The following ITGBL1 variants were observed in gnomAD, a reference collection of about 807,000 sequenced individuals.
ITGBL1 encodes integrin subunit beta like 1, also known as integrin beta-like protein 1.
ITGBL1 carries 51 observed loss-of-function variants against 68.5 expected under a neutral mutation model. The observed-to-expected ratio is 0.74, with a 90% CI of 0.59 to 0.94. The LOEUF (loss-of-function observed/expected upper bound fraction) is 0.94. ITGBL1 is among the 40% of genes least tolerant of loss of function. The probability of loss-of-function intolerance (pLI) is 0.00; values close to 1 mark genes in which losing one functional copy is unlikely to be tolerated. For synonymous variants in ITGBL1, 209 were observed against 227.3 expected (o/e 0.92, Z 0.72); for missense variants, 649 against 647.4 (o/e 1.00, Z -0.03).
chr13:101,652,697 G>T (rs2032788820), intron 7 of ITGBL1, among the ~76,000 whole-genome samples: 1 of 152,164 alleles, frequency 6.6e-6, no homozygotes, highest in South Asian at 2.1e-4. Context: ...TCTAGATGGG[G>T]AAGACTGGAA....
chr13:101,454,054 G>T lies in ITGBL1; in HGVS notation c.270G>T (p.Glu90Asp). 6.3e-7 allele frequency: 1 copy of T among 1,592,214 alleles called. No individual in the cohort carries two copies. Among genetic ancestry groups the T allele is most frequent in the Non-Finnish European group, 8.5e-7 (1 of 1,169,704 alleles). ...EPGMFFGPLC[E>D]CHEWVCETYD... ...GCATGTTCTTCGGGCCCCTGTGTGA[G>T]TGCCATGAGTGGGTGTGCGAGACCT... The change falls in exon 2 of 11, where the codon GAG (glutamate) becomes GAT (aspartate). Residue 90 changes from glutamate to aspartate, a missense_variant. Physicochemically the swap from Glu to Asp is conservative, Grantham distance 45. Coordinates refer to ENST00000376180, the MANE Select transcript of ITGBL1 (RefSeq NM_004791.3).
At chr13:101,504,572 A>G (rs1407148738) in intron 2 of ITGBL1, among the ~76,000 whole-genome samples, 1 of 152,160 alleles carries the variant, frequency 6.6e-6, no homozygotes, top group Non-Finnish European at 1.5e-5. Flanking sequence ...AATATTTACA[A>G]CCAACATTTT....
chr13:101,553,340 C>T (rs1039743584), intron 2 of ITGBL1, among the ~76,000 whole-genome samples: 1 of 152,152 alleles, frequency 6.6e-6, no homozygotes, highest in Non-Finnish European at 1.5e-5. Context: ...TCCCAAGATT[C>T]ATGTAAATTT....
intron 7 of ITGBL1, among the ~76,000 whole-genome samples, chr13:101,647,738 T>A (rs796600949): frequency 2.6e-4 from 39 of 152,280 alleles, no homozygotes; most frequent in African/African-American, 8.9e-4. Context: ...TTGAGACTTT[T>A]AAAGCCACCA....
chr13:101,646,952 C>G (rs2032578908), intron 7 of ITGBL1, among the ~76,000 whole-genome samples: 2 of 151,994 alleles, frequency 1.3e-5, no homozygotes, highest in South Asian at 2.1e-4. Flanking sequence ...AATCCGTTAA[C>G]AAGAAATAAT....
At chr13:101,718,966 C>G (rs1415987555), downstream of ITGBL1, 5 of 151,746 alleles carry the variant, frequency 3.3e-5, no homozygotes, top group Admixed American at 3.3e-4. Flanking sequence ...TTTTGATATG[C>G]CTGCATTTTG....
At chr13:101,720,048 T>G (rs963790573), downstream of ITGBL1, 1 of 152,152 alleles carries the variant, frequency 6.6e-6, no homozygotes, top group African/African-American at 2.4e-5. Context: ...TTGATGTTTT[T>G]TAATATGCCT....
chr13:101,591,976 T>G (rs2050663708), intron 6 of ITGBL1, among the ~76,000 whole-genome samples: 1 of 152,162 alleles, frequency 6.6e-6, no homozygotes, highest in Non-Finnish European at 1.5e-5. Context: ...TTTAAACTAT[T>G]TAATGTACTT....
Position 101,453,993 on chromosome 13 carries a change from A to T in ITGBL1, c.209A>T (p.Asp70Val). 1 of 1,558,556 alleles carries T rather than the reference A, an allele frequency of 6.4e-7. No homozygotes were observed. Among genetic ancestry groups the T allele is most frequent in the Non-Finnish European group, 8.7e-7 (1 of 1,152,088 alleles). ...CTGTGCCACGGCCGGGGCCGCTGCG[A>T]CTGCGGCGTCTGCATCTGCCACGTG... ...AALCHGRGRC[D>V]CGVCICHVTE... The change falls in exon 2 of 11, where the codon GAC becomes GTC. Residue 70 changes from aspartate to valine, a missense_variant. Coordinates refer to ENST00000376180, the MANE Select transcript of ITGBL1 (RefSeq NM_004791.3).
chr13:101,593,046 T>C (rs1434349784), intron 6 of ITGBL1, among the ~76,000 whole-genome samples: 1 of 151,940 alleles, frequency 6.6e-6, no homozygotes, highest in Non-Finnish European at 1.5e-5. Context: ...TAAGAATACA[T>C]AGGGAACTTA....
intron 7 of ITGBL1, among the ~76,000 whole-genome samples, chr13:101,629,593 C>T (rs1451145457): frequency 3.3e-5 from 5 of 151,928 alleles, no homozygotes; most frequent in African/African-American, 1.2e-4. Flanking sequence ...ATTTTCCTCC[C>T]ATCTTTACTC....
chr13:101,634,996 G>A (rs1329776883), intron 7 of ITGBL1, among the ~76,000 whole-genome samples: 1 of 150,018 alleles, frequency 6.7e-6, no homozygotes, highest in Non-Finnish European at 1.5e-5. Flanking sequence ...AGGCAATTAT[G>A]CTCAATTTCA....
rs193097768 is a variant in ITGBL1 at position 101,535,555 on chromosome 13, C to G, written c.317-32144C>G. 7.2e-5 allele frequency among the ~76,000 whole-genome samples: 11 copies of G among 152,230 alleles called. No individual in the cohort carries two copies. In the East Asian group the frequency reaches 1.7e-3, roughly 24 times the overall value. ...CCTCTGACTTGAGAATCTAGGCTGACTCAGAGCTTGTCCTTGTGAAAACTT... is the reference window on the plus strand; with the variant it reads ...CCTCTGACTTGAGAATCTAGGCTGAGTCAGAGCTTGTCCTTGTGAAAACTT... On this transcript the variant is annotated intron_variant, in intron 2 of 10. Transcript: ENST00000376180.
intron 2 of ITGBL1, among the ~76,000 whole-genome samples, chr13:101,464,595 A>G (rs1285195818): frequency 6.6e-6 from 1 of 152,016 alleles, no homozygotes; most frequent in Non-Finnish European, 1.5e-5. Flanking sequence ...TGTATAGCCA[A>G]TCAAAATACA....
chr13:101,642,571 G>A (rs1316758494), intron 7 of ITGBL1, among the ~76,000 whole-genome samples: 1 of 152,152 alleles, frequency 6.6e-6, no homozygotes, highest in African/African-American at 2.4e-5. Flanking sequence ...AGTTTAATTA[G>A]ATGCCATTTG....
At chr13:101,691,192 G>A (rs184195024) in intron 7 of ITGBL1, among the ~76,000 whole-genome samples, 3 of 152,266 alleles carry the variant, frequency 2.0e-5, no homozygotes, top group East Asian at 3.9e-4. Context: ...TATAGGAAGA[G>A]GGAATATCGT....
At chr13:101,597,694 A>G (rs1025637539) in intron 6 of ITGBL1, among the ~76,000 whole-genome samples, 2 of 152,046 alleles carry the variant, frequency 1.3e-5, no homozygotes, top group African/African-American at 2.4e-5. Flanking sequence ...CTGGGATTAC[A>G]GGTGCACGCC....
intron 2 of ITGBL1, among the ~76,000 whole-genome samples, chr13:101,495,329 A>T (rs1431305525): frequency 6.6e-6 from 1 of 152,112 alleles, no homozygotes; most frequent in Non-Finnish European, 1.5e-5. Flanking sequence ...CTGTGAACGA[A>T]TTCACATTTG....
At chr13:101,455,499 T>C (rs1415483332) in intron 2 of ITGBL1, among the ~76,000 whole-genome samples, 3 of 151,750 alleles carry the variant, frequency 2.0e-5, no homozygotes, top group Admixed American at 6.6e-5. Context: ...AAACCCAGTC[T>C]CTACTAAAAA....
Sources: allele counts gnomAD v4.1 joint callset (sites outside exome capture counted in the v4.1 genomes callset), GRCh38; gene constraint gnomAD v4.1.1; transcripts MANE v1.5; gene names NCBI Gene and HGNC (gene_info 2026-07-23, HGNC 2026-07-21).